The following OSBPL6 variants were observed in gnomAD, a reference collection of about 807,000 sequenced individuals.
OSBPL6 encodes oxysterol binding protein like 6, also known as oxysterol-binding protein-related protein 6.
Under a neutral mutation model 125.8 loss-of-function variants are expected in OSBPL6, and 49 were observed. That is an observed-to-expected ratio of 0.39 (90% CI 0.31 to 0.49). The LOEUF is 0.49. OSBPL6 is among the 20% of genes least tolerant of loss of function. The probability of loss-of-function intolerance (pLI) is 0.88; values close to 1 mark genes in which losing one functional copy is unlikely to be tolerated. For missense variants in OSBPL6, 986 were observed against 1,135.4 expected (o/e 0.87, Z 1.89); for synonymous variants, 394 against 391.8 (o/e 1.01, Z -0.07).
intron 1 of OSBPL6, among the ~76,000 whole-genome samples, chr2:178,276,148 A>G (rs1398381455): frequency 6.6e-6 from 1 of 152,180 alleles, no homozygotes; most frequent in East Asian, 1.9e-4. Context: ...TGAGGGAAAT[A>G]TGATCTGAGA....
At chr2:178,312,580 C>A (rs527923797) in intron 3 of OSBPL6, among the ~76,000 whole-genome samples, 1 of 151,070 alleles carries the variant, frequency 6.6e-6, no homozygotes, top group African/African-American at 2.4e-5. Flanking sequence ...CTCAGCCTCC[C>A]GAGTAGCTGG....
chr2:178,390,790 A>T (rs1439118347), intron 21 of OSBPL6, among the ~76,000 whole-genome samples: 1 of 152,224 alleles, frequency 6.6e-6, no homozygotes, highest in African/African-American at 2.4e-5. Context: ...AGAGGAAAAA[A>T]AATTGCTAGC....
At chr2:178,229,243 G>T (rs539519200) in intron 1 of OSBPL6, among the ~76,000 whole-genome samples, 48 of 152,086 alleles carry the variant, frequency 3.2e-4, no homozygotes, top group African/African-American at 1.2e-3. Flanking sequence ...GCCACAATGG[G>T]GACCAAATTT....
intron 2 of OSBPL6, among the ~76,000 whole-genome samples, chr2:178,292,799 G>A (rs962334918): frequency 1.3e-5 from 2 of 152,106 alleles, no homozygotes; most frequent in Non-Finnish European, 2.9e-5. Flanking sequence ...TAAATACTGC[G>A]TGAGATAAGA....
chr2:178,387,086 G>A lies in OSBPL6; in HGVS notation c.2103G>A (p.Trp701Ter), dbSNP rs772001999. 1 of 1,611,302 alleles carries A rather than the reference G, an allele frequency of 6.2e-7. No individual in the cohort carries two copies. Among genetic ancestry groups the A allele is most frequent in the African/African-American group, 1.3e-5 (1 of 74,816 alleles). ...ATATCAGATGGAAAAACAAGTTCTGGGGGAAGTCGATGGAAATCCTGCCTG... is the reference window on the plus strand; with the variant it reads ...ATATCAGATGGAAAAACAAGTTCTGAGGGAAGTCGATGGAAATCCTGCCTG... ...WQDIRWKNKF[W>*]GKSMEILPVG... The change falls in exon 20 of 25, where the codon TGG (tryptophan) becomes TGA (stop). Residue 701 changes from tryptophan to a stop codon, truncating the protein, a stop_gained. Coordinates refer to ENST00000190611, the MANE Select transcript of OSBPL6 (RefSeq NM_032523.4). LOFTEE classifies it high-confidence loss of function.
chr2:178,306,411 T>A (rs554276604), intron 3 of OSBPL6, 125 bp downstream of exon 3: 6 of 639,310 alleles, frequency 9.4e-6, no homozygotes, highest in Non-Finnish European at 1.4e-5. Flanking sequence ...TGAAAAATCG[T>A]CATTTTCTGT....
At position 178,228,342 on chromosome 2, in the gene OSBPL6, T is replaced by C. The variant is rs35713556; in HGVS notation, c.-351+33668T>C. 3.8e-3 allele frequency among the ~76,000 whole-genome samples: 572 copies of C among 152,288 alleles called. 1 individual carries two copies. Among genetic ancestry groups the C allele is most frequent in the Non-Finnish European group, 5.8e-3 (393 of 68,022 alleles). On this transcript the variant is annotated intron_variant, in intron 1 of 24. Transcript: ENST00000190611. Reference sequence around the variant, plus strand: ...TGAGGTCAGGAGATCGAGACCATCCTGGCTAACATGGTGAAACACCATCTC... The same window carrying C: ...TGAGGTCAGGAGATCGAGACCATCCCGGCTAACATGGTGAAACACCATCTC...
chr2:178,316,484 CT>C (rs568660967), intron 3 of OSBPL6, among the ~76,000 whole-genome samples: 234 of 152,234 alleles, frequency 1.5e-3, no homozygotes, highest in African/African-American at 5.1e-3. Flanking sequence ...GCTAAAAATG[CT>C]TTTGAATATT....
At chr2:178,327,558 A>G (rs1303315485) in intron 4 of OSBPL6, among the ~76,000 whole-genome samples, 2 of 152,162 alleles carry the variant, frequency 1.3e-5, no homozygotes, top group Non-Finnish European at 2.9e-5. Context: ...CAGGCATTAG[A>G]CTTTTTATAA....
chr2:178,269,140 A>G (rs1361046139), intron 1 of OSBPL6, among the ~76,000 whole-genome samples: 1 of 152,144 alleles, frequency 6.6e-6, no homozygotes, highest in African/African-American at 2.4e-5. Context: ...AGTTTATTAT[A>G]AAGGATACAG....
At chr2:178,372,953 G>A (rs1045466814) in intron 14 of OSBPL6, among the ~76,000 whole-genome samples, 35 of 152,288 alleles carry the variant, frequency 2.3e-4, no homozygotes, top group African/African-American at 7.9e-4. Flanking sequence ...TTTATAGCAT[G>A]AGAACTTACA....
intron 1 of OSBPL6, among the ~76,000 whole-genome samples, chr2:178,271,527 A>C (rs1419646492): frequency 6.6e-6 from 1 of 152,196 alleles, no homozygotes; most frequent in Non-Finnish European, 1.5e-5. Context: ...AGGGTTATTC[A>C]GTAAAGCTAT....
chr2:178,339,876 C>A, intron 11 of OSBPL6, 112 bp downstream of exon 11: 2 of 610,712 alleles, frequency 3.3e-6, no homozygotes, highest in South Asian at 3.4e-5. Flanking sequence ...TGCTTTAAAG[C>A]CAGCACTTTT....
chr2:178,267,622 T>C (rs1189869692), intron 1 of OSBPL6, among the ~76,000 whole-genome samples: 1 of 152,080 alleles, frequency 6.6e-6, no homozygotes, highest in Non-Finnish European at 1.5e-5. Context: ...AAAAAGAACA[T>C]TGGCCAGAAA....
In OSBPL6 at chr2:178,395,449, A is replaced by T; in HGVS notation, c.2697-2A>T. 1 of 1,609,426 alleles carries T rather than the reference A, an allele frequency of 6.2e-7. No homozygotes were observed. Among genetic ancestry groups the T allele is most frequent in the Non-Finnish European group, 8.5e-7 (1 of 1,176,426 alleles). On this transcript the variant is annotated splice_acceptor_variant, in intron 24 of 24. Transcript: ENST00000190611. LOFTEE classifies it high-confidence loss of function. ...CTAATGTTGATGTTTATATTTTCAC[A>T]GAAAAGTTATTGATGCCAATCAAAG...
At chr2:178,262,850 T>C (rs1293676133) in intron 1 of OSBPL6, among the ~76,000 whole-genome samples, 1 of 152,218 alleles carries the variant, frequency 6.6e-6, no homozygotes, top group Non-Finnish European at 1.5e-5. Context: ...TCCTTCACTT[T>C]AAACTGTTTC....
chr2:178,232,294 C>T (rs1409371939), intron 1 of OSBPL6, among the ~76,000 whole-genome samples: 6 of 152,172 alleles, frequency 3.9e-5, no homozygotes, highest in African/African-American at 1.4e-4. Context: ...CCCTCATCCT[C>T]TGACTCTCAA....
chr2:178,273,723 A>G (rs16866203), intron 1 of OSBPL6, among the ~76,000 whole-genome samples: 1,769 of 152,332 alleles, frequency 0.012, 32 homozygotes, highest in African/African-American at 0.041. Context: ...TTATAATATG[A>G]GTGAAAATAG....
intron 8 of OSBPL6, 80 bp downstream of exon 8, chr2:178,333,121 G>A (rs1008844154): frequency 3.0e-5 from 44 of 1,489,668 alleles, no homozygotes; most frequent in East Asian, 2.3e-4. Context: ...TGTGGCTCAC[G>A]TGTGTAATCC....
Sources: gnomAD v4.1 joint callset for allele counts (sites outside exome capture counted in the v4.1 genomes callset) on GRCh38, gnomAD v4.1.1 for gene constraint, MANE v1.5 for transcripts, NCBI Gene and HGNC (gene_info 2026-07-23, HGNC 2026-07-21) for gene names.